The following SLC44A5 variants were observed in gnomAD, a reference collection of about 807,000 sequenced individuals.
The protein encoded by SLC44A5 is solute carrier family 44 member 5.
Under a neutral mutation model 101.8 loss-of-function variants are expected in SLC44A5, and 57 were observed. That is an observed-to-expected ratio of 0.56 (90% CI 0.45 to 0.70). The LOEUF (loss-of-function observed/expected upper bound fraction) is 0.70, where lower values mean the gene tolerates loss of function less well. SLC44A5 is among the 30% of genes least tolerant of loss of function. SLC44A5 has a pLI of 0.00. For synonymous variants in SLC44A5, 281 were observed against 290.9 expected, an observed-to-expected ratio of 0.97 and a Z score of 0.35; for missense variants, 737 against 853.1, an observed-to-expected ratio of 0.86 and a Z score of 1.70.
At chr1:75,472,681 A>C (rs932146024) in intron 2 of SLC44A5, among the ~76,000 whole-genome samples, 4 of 152,170 alleles carry the variant, frequency 2.6e-5, no homozygotes, top group African/African-American at 9.7e-5. Flanking sequence ...TGCTCTCTTT[A>C]GATAATATTC....
intron 2 of SLC44A5, among the ~76,000 whole-genome samples, chr1:75,518,340 G>T (rs1669941731): frequency 6.6e-6 from 1 of 152,102 alleles, no homozygotes; most frequent in South Asian, 2.1e-4. Flanking sequence ...ATATAAATAG[G>T]CATATATTGA....
chr1:75,543,744 T>C (rs1671493431), intron 1 of SLC44A5, among the ~76,000 whole-genome samples: 1 of 150,626 alleles, frequency 6.6e-6, no homozygotes. Context: ...TAAAATGAAT[T>C]ATCCATATAA....
chr1:75,236,771 C>A (rs1648120706), intron 11 of SLC44A5, among the ~76,000 whole-genome samples: 1 of 152,016 alleles, frequency 6.6e-6, no homozygotes, highest in South Asian at 2.1e-4. Context: ...TTAAAATTTA[C>A]ACTCTGCCAA....
At chr1:75,351,338 ATGG>A (rs1658640075) in intron 3 of SLC44A5, among the ~76,000 whole-genome samples, 1 of 152,090 alleles carries the variant, frequency 6.6e-6, no homozygotes, top group African/African-American at 2.4e-5. Flanking sequence ...TGTTCAATAA[ATGG>A]TGGTAGGACG....
chr1:75,463,232 T>C (rs1380311801), intron 2 of SLC44A5, among the ~76,000 whole-genome samples: 3 of 151,916 alleles, frequency 2.0e-5, no homozygotes, highest in Non-Finnish European at 4.4e-5. Context: ...CCATCTTGGC[T>C]AACACGGTGA....
At chr1:75,304,229 T>C (rs1217258767) in intron 4 of SLC44A5, among the ~76,000 whole-genome samples, 1 of 152,158 alleles carries the variant, frequency 6.6e-6, no homozygotes, top group African/African-American at 2.4e-5. Flanking sequence ...TAGACATTAG[T>C]ATTTCTAAAT....
intron 2 of SLC44A5, among the ~76,000 whole-genome samples, chr1:75,423,250 C>CTTA (rs886711481): frequency 6.6e-6 from 1 of 152,154 alleles, no homozygotes; most frequent in African/African-American, 2.4e-5. Flanking sequence ...TAGCAACCTG[C>CTTA]TTAGTAAGGT....
At chr1:75,410,000 C>T (rs564977372) in intron 2 of SLC44A5, among the ~76,000 whole-genome samples, 15 of 152,244 alleles carry the variant, frequency 9.9e-5, no homozygotes, top group African/African-American at 3.6e-4. Flanking sequence ...TCACCTGTTC[C>T]TACCTCTCAA....
the SLC44A5 span, among the ~76,000 whole-genome samples, chr1:75,699,720 A>G: frequency 6.6e-6 from 1 of 152,204 alleles, no homozygotes; most frequent in African/African-American, 2.4e-5. Flanking sequence ...GGCAAATTGG[A>G]TAGAGTCAAG....
At chr1:75,229,286 C>T in intron 12 of SLC44A5, among the ~76,000 whole-genome samples, 1 of 152,096 alleles carries the variant, frequency 6.6e-6, no homozygotes, top group Non-Finnish European at 1.5e-5. Flanking sequence ...ATCATTATAT[C>T]TCATCTCTTT....
intron 5 of SLC44A5, among the ~76,000 whole-genome samples, chr1:75,288,298 A>G (rs1165137841): frequency 6.6e-6 from 1 of 152,204 alleles, no homozygotes; most frequent in Non-Finnish European, 1.5e-5. Context: ...AACTTGATTT[A>G]AAATATTCCT....
At chr1:75,395,715 T>A (rs1662081580) in intron 3 of SLC44A5, among the ~76,000 whole-genome samples, 1 of 152,174 alleles carries the variant, frequency 6.6e-6, no homozygotes, top group South Asian at 2.1e-4. Flanking sequence ...TGTTTTGCTC[T>A]ATGTATATAT....
At chr1:75,635,970 A>G in the SLC44A5 span, among the ~76,000 whole-genome samples, 1 of 151,788 alleles carries the variant, frequency 6.6e-6, no homozygotes, top group Admixed American at 6.6e-5. Flanking sequence ...ACATTCATAG[A>G]TCGTGTAATT....
At chr1:75,562,342 AG>A (rs1672563522) in intron 1 of SLC44A5, among the ~76,000 whole-genome samples, 2 of 152,102 alleles carry the variant, frequency 1.3e-5, no homozygotes, top group Admixed American at 1.3e-4. Context: ...CTATATCACC[AG>A]GTTTTCTACA....
At chr1:75,392,837 T>G (rs1215459808) in intron 3 of SLC44A5, among the ~76,000 whole-genome samples, 1 of 152,108 alleles carries the variant, frequency 6.6e-6, no homozygotes, top group Non-Finnish European at 1.5e-5. Flanking sequence ...AAGAGAGAAA[T>G]TATGTCCTTT....
chr1:75,449,877 T>C (rs1186263296), intron 2 of SLC44A5, among the ~76,000 whole-genome samples: 1 of 152,040 alleles, frequency 6.6e-6, no homozygotes, highest in Non-Finnish European at 1.5e-5. Context: ...GGCGCATGCC[T>C]GTAGTACCAG....
chr1:75,421,144 C>T (rs1663979576), intron 2 of SLC44A5, among the ~76,000 whole-genome samples: 1 of 151,828 alleles, frequency 6.6e-6, no homozygotes, highest in Non-Finnish European at 1.5e-5. Flanking sequence ...AATTATTTAC[C>T]ATAAAATAGC....
the SLC44A5 span, among the ~76,000 whole-genome samples, chr1:75,688,856 C>G: frequency 6.6e-6 from 1 of 152,170 alleles, no homozygotes; most frequent in Non-Finnish European, 1.5e-5. Context: ...ATACTCCTAT[C>G]TTCTCTGTTC....
At chr1:75,331,767 C>G (rs1178814919) in intron 4 of SLC44A5, among the ~76,000 whole-genome samples, 1 of 152,138 alleles carries the variant, frequency 6.6e-6, no homozygotes, top group Non-Finnish European at 1.5e-5. Flanking sequence ...CTCTCTGCTC[C>G]CTGCACTAAG....
Sources: allele counts gnomAD v4.1 joint callset (sites outside exome capture counted in the v4.1 genomes callset), GRCh38; gene constraint gnomAD v4.1.1; transcripts MANE v1.5; gene names NCBI Gene and HGNC (gene_info 2026-07-23, HGNC 2026-07-21).